Variants in CLUH observed in about 807,000 individuals in gnomAD.
CLUH encodes clustered mitochondria protein homolog.
Under a neutral mutation model 139.3 loss-of-function variants are expected in CLUH, and 77 were observed. The observed-to-expected ratio is 0.55, with a 90% CI of 0.46 to 0.67. The LOEUF (loss-of-function observed/expected upper bound fraction) is 0.67. CLUH is among the 30% of genes least tolerant of loss of function. The pLI is 0.00. For missense variants in CLUH, 1,876 were observed against 1,875.8 expected (o/e 1.00, Z 0.00); for synonymous variants, 999 against 801.6 (o/e 1.25, Z -4.16).
At chr17:2,700,924 C>A in intron 7 of CLUH, 99 bp from the exon 8 acceptor site, 2 of 1,442,418 alleles carry the variant, frequency 1.4e-6, no homozygotes, top group African/African-American at 1.4e-5. Context: ...CGGCATCTCC[C>A]ACCCTGAGAC....
chr17:2,704,851 G>C lies in CLUH; in HGVS notation c.101-287C>G, dbSNP rs898076919. Among the ~76,000 whole-genome samples, 1 of 152,046 alleles carries C rather than the reference G, an allele frequency of 6.6e-6. No individual in the cohort carries two copies. Among genetic ancestry groups the C allele is most frequent in the African/African-American group, 2.4e-5 (1 of 41,390 alleles). On this transcript the variant is annotated intron_variant, in intron 1 of 25. Transcript: ENST00000651024. This position sits in a 1 kb window ranked among gnomAD's most constrained non-coding sequence, Gnocchi z 5.7. ...CAAAGCCACCCTTCAAGCCAAGCCCGAGGGTCTCCTCCGGCCCTAACACAC... is the reference window on the plus strand; with the variant it reads ...CAAAGCCACCCTTCAAGCCAAGCCCCAGGGTCTCCTCCGGCCCTAACACAC...
At position 2,696,464 on chromosome 17, in the gene CLUH, T is replaced by C; in HGVS notation, c.2260A>G (p.Ile754Val). 2 of 1,595,608 alleles carry C rather than the reference T, an allele frequency of 1.3e-6. No homozygotes were observed. Among genetic ancestry groups the C allele is most frequent in the Non-Finnish European group, 1.7e-6 (2 of 1,172,566 alleles). Residue 754 changes from isoleucine to valine, a missense_variant, in exon 12 of 26, where the codon ATT becomes GTT. Coordinates refer to ENST00000651024, the MANE Select transcript of CLUH (RefSeq NM_001366661.1). ...GAGAAGATGTCAGGATTGAAGCGAA[T>C]GTCGAAGGCGGTGCTGCTGATGGAG... ...VGSISSTAFDIRFNPDIFSPG... is the reference protein window; with the variant it reads ...VGSISSTAFDVRFNPDIFSPG...
In CLUH at chr17:2,696,734, C is replaced by A. The variant is rs1436775008; in HGVS notation, c.2170G>T (p.Ala724Ser). 1 of 1,612,114 alleles carries A rather than the reference C, an allele frequency of 6.2e-7. No homozygotes were observed. Among genetic ancestry groups the A allele is most frequent in the Non-Finnish European group, 8.5e-7 (1 of 1,179,826 alleles). ...GCAGCCCCACCTGTGCCGTCGTCTGCGGCGATGGTCTCTGCCAGCTCCTTC... is the reference window on the plus strand; with the variant it reads ...GCAGCCCCACCTGTGCCGTCGTCTGAGGCGATGGTCTCTGCCAGCTCCTTC... ...KVKELAETIA[A>S]DDGTADPRSR... Residue 724 changes from alanine to serine, a missense_variant, in exon 11 of 26, where the codon GCA becomes TCA. Around this residue, in one of 3 missense-constraint regions of CLUH, gnomAD observed 1,454 missense variants for 1,384.4 expected, o/e 1.05. Transcript: ENST00000651024.
chr17:2,698,517 T>A lies in CLUH; in HGVS notation c.1340A>T (p.Asn447Ile). 6.2e-7 allele frequency: 1 copy of A among 1,612,768 alleles called. No homozygotes were observed. Among genetic ancestry groups the A allele is most frequent in the Non-Finnish European group, 8.5e-7 (1 of 1,179,658 alleles). Residue 447 changes from asparagine to isoleucine, a missense_variant, in exon 10 of 26, where the codon AAC becomes ATC. Around this residue, in one of 3 missense-constraint regions of CLUH, gnomAD observed 1,454 missense variants for 1,384.4 expected, o/e 1.05. Transcript: ENST00000651024. Reference protein sequence around the residue: ...AVIDGNVMAINPSEETKMQMF... With the variant: ...AVIDGNVMAIIPSEETKMQMF... Reference sequence around the variant, plus strand: ...CTGCATCTTGGTCTCCTCGCTGGGGTTGATGGCCATCACGTTGCCGTCAAT... The same window carrying A: ...CTGCATCTTGGTCTCCTCGCTGGGGATGATGGCCATCACGTTGCCGTCAAT...
Position 2,694,840 on chromosome 17 carries a change from C to A in CLUH, c.2852+17G>T, listed in dbSNP as rs752765815. 6.7e-7 allele frequency: 1 copy of A among 1,484,312 alleles called. No individual in the cohort carries two copies. The highest frequency in any genetic ancestry group is 9.0e-7 in the Non-Finnish European group (1 of 1,113,496). 91.9% of individuals were successfully genotyped at this position (1,484,312 alleles called of 1,614,324 possible). A position where few individuals can be genotyped will look rare whatever the true frequency, so the allele number is the denominator to read the frequency against. On this transcript the variant is annotated intron_variant, in intron 16 of 25. Transcript: ENST00000651024. ...TGCCCAATCCCACCCACCCCACCGC[C>A]CCTGCCCCGCACGCACCACTCGAGG...
intron 3 of CLUH, 30 bp from the exon 4 acceptor site, chr17:2,702,087 T>TG: frequency 6.2e-7 from 1 of 1,608,580 alleles, no homozygotes; most frequent in Non-Finnish European, 8.5e-7. Flanking sequence ...GGTATGGCGT[T>TG]ACCAGGGCCC....
In CLUH at chr17:2,690,553, G is replaced by A. The variant is rs2069580667; in HGVS notation, c.*41C>T. The A allele has an allele frequency of 7.1e-7, 1 of 1,408,326 alleles. No homozygotes were observed. The highest frequency in any genetic ancestry group is 9.3e-7 in the Non-Finnish European group (1 of 1,076,414). The allele number at this position is 1,408,326 out of a possible 1,614,324, so 87.2% of individuals were successfully genotyped here. ...CCCTTCTCCCGCAGTCGGGCTCCCT[G>A]GTGACGGGGCCGCTGGCTGGCTGTC... On this transcript the variant is annotated 3_prime_UTR_variant, in exon 26 of 26. Coordinates refer to ENST00000651024, the MANE Select transcript of CLUH (RefSeq NM_001366661.1).
chr17:2,708,722 C>T (rs2070421625), intron 1 of CLUH, among the ~76,000 whole-genome samples: 1 of 152,056 alleles, frequency 6.6e-6, no homozygotes, highest in African/African-American at 2.4e-5. Context: ...CCGACCTGCT[C>T]CCGCCGACCC....
rs540206732 is a variant in CLUH at position 2,704,710 on chromosome 17, C to G, written c.101-146G>C. On this transcript the variant is annotated intron_variant, in intron 1 of 25. Transcript: ENST00000651024. This position sits in a 1 kb window ranked among gnomAD's most constrained non-coding sequence, Gnocchi z 5.7. ...AGCCTCACGGTCGCGCCTCGCCCTC[C>G]GTGCACCTGCAGGCCACTTCCACAC... is the stretch of plus-strand genomic sequence containing the variant. 3 of 757,130 alleles carry G rather than the reference C, an allele frequency of 4.0e-6. No individual in the cohort carries two copies. The highest frequency in any genetic ancestry group is 6.3e-6 in the Non-Finnish European group (3 of 477,420). The allele number at this position is 757,130 out of a possible 1,614,324, so 46.9% of individuals were successfully genotyped here. A position where few individuals can be genotyped will look rare whatever the true frequency, so the allele number is the denominator to read the frequency against.
At chr17:2,700,574 C>T (rs2070142963) in intron 8 of CLUH, 100 bp from the exon 9 acceptor site, 2 of 1,536,726 alleles carry the variant, frequency 1.3e-6, no homozygotes, top group Middle Eastern at 1.7e-4. Flanking sequence ...GCCCCAGACT[C>T]CCAAATGAAG....
intron 22 of CLUH, 116 bp from the exon 23 acceptor site, chr17:2,692,213 C>G (rs932101356): frequency 2.1e-6 from 3 of 1,442,030 alleles, no homozygotes; most frequent in Non-Finnish European, 2.8e-6. Context: ...CCGAGGGGAA[C>G]AGCAAGTCCA....
intron 22 of CLUH, 39 bp from the exon 23 acceptor site, chr17:2,692,136 A>G: frequency 1.9e-6 from 3 of 1,554,904 alleles, no homozygotes; most frequent in Non-Finnish European, 2.6e-6. Flanking sequence ...GAAGGGCATA[A>G]GTGGGCTGGG....
Position 2,692,826 on chromosome 17 carries a change from C to T in CLUH, c.3266G>A (p.Ser1089Asn). Residue 1089 changes from serine (S) to asparagine (N), a missense_variant, in exon 20 of 26, where the codon AGC (serine) becomes AAC (asparagine). Ser to Asn is a conservative substitution (Grantham distance 46, BLOSUM62 1). Transcript: ENST00000651024. Reference sequence around the variant, plus strand: ...GTGCTCGGTGCCCATCACCCGCTCGCTCATCAGCACCGCCTTCTGCTGGTT... The same window carrying T: ...GTGCTCGGTGCCCATCACCCGCTCGTTCATCAGCACCGCCTTCTGCTGGTT... ...LSNQQKAVLM[S>N]ERVMGTEHPN... 6.2e-7 allele frequency: 1 copy of T among 1,603,806 alleles called. No homozygotes were observed. The highest frequency in any genetic ancestry group is 8.5e-7 in the Non-Finnish European group (1 of 1,173,526).
chr17:2,691,951 G>GCCACGCCCCGC, intron 23 of CLUH, 53 bp downstream of exon 23: 1 of 1,098,524 alleles, frequency 9.1e-7, no homozygotes, highest in Non-Finnish European at 1.2e-6. Flanking sequence ...CCCCGCCCCC[G>GCCACGCCCCGC]CCCCGCCACG....
At chr17:2,693,413 C>CA (rs2069793043) in intron 19 of CLUH, among the ~76,000 whole-genome samples, 1 of 152,056 alleles carries the variant, frequency 6.6e-6, no homozygotes, top group South Asian at 2.1e-4. Flanking sequence ...AACAAACAAA[C>CA]AAACAACCCA....
At chr17:2,694,822 T>TCCCCCCCCCCCCCCCCCCCCCGGCC in intron 16 of CLUH, 35 bp downstream of exon 16, 1 of 1,346,334 alleles carries the variant, frequency 7.4e-7, no homozygotes, top group Non-Finnish European at 1.0e-6. Context: ...ATCTGCCCAA[T>TCCCCCCCCCCCCCCCCCCCCCGGCC]CCCACCCACC....
chr17:2,693,130 T>C (rs1173186830), intron 19 of CLUH, among the ~76,000 whole-genome samples: 1 of 42,638 alleles, frequency 2.3e-5, no homozygotes, highest in Non-Finnish European at 4.1e-5. Flanking sequence ...CTAAAACTAC[T>C]AAAAATGTTA....
intron 15 of CLUH, 53 bp from the exon 16 acceptor site, chr17:2,695,154 T>G: frequency 6.2e-7 from 1 of 1,613,498 alleles, no homozygotes; most frequent in African/African-American, 1.3e-5. Flanking sequence ...CACCTCAGGC[T>G]CTTTCCCGAC....
At chr17:2,695,126 C>A in intron 15 of CLUH, 25 bp from the exon 16 acceptor site, 1 of 1,612,536 alleles carries the variant, frequency 6.2e-7, no homozygotes, top group South Asian at 1.1e-5. Flanking sequence ...GGATCCGAGT[C>A]ATGAGGGCCC....
Sources: allele counts gnomAD v4.1 joint callset (sites outside exome capture counted in the v4.1 genomes callset), GRCh38; gene constraint gnomAD v4.1.1; regional missense constraint gnomAD v4.1.1; non-coding constraint Gnocchi (gnomAD v3.1); transcripts MANE v1.5; gene names NCBI Gene and HGNC (gene_info 2026-07-23, HGNC 2026-07-21).